The following GSE1 variants were observed in gnomAD, a reference collection of about 807,000 sequenced individuals.
GSE1 encodes the protein Gse1 coiled-coil protein.
Under a neutral mutation model 112.6 loss-of-function variants are expected in GSE1, and 32 were observed. The observed-to-expected ratio is 0.28, with a 90% CI of 0.21 to 0.38. GSE1 has a LOEUF of 0.38. GSE1 is among the 10% of genes least tolerant of loss of function. The pLI, the probability that GSE1 is intolerant of heterozygous loss-of-function variation, is 1.00. For missense variants in GSE1, 2,348 were observed against 1,699.2 expected, an observed-to-expected ratio of 1.38 and a Z score of -6.71; for synonymous variants, 1,115 against 735.6, an observed-to-expected ratio of 1.52 and a Z score of -8.35.
chr16:85,587,331 A>G (rs559302852), intron 1 of GSE1, among the ~76,000 whole-genome samples: 1 of 152,328 alleles, frequency 6.6e-6, no homozygotes, highest in South Asian at 2.1e-4. Flanking sequence ...CATGCAGTAA[A>G]TTTGCTATTA....
chr16:85,379,931 G>T (rs1324532328), intron 2 of GSE1, among the ~76,000 whole-genome samples: 1 of 152,230 alleles, frequency 6.6e-6, no homozygotes, highest in Non-Finnish European at 1.5e-5. Context: ...ATGCCAGGCT[G>T]CCCCAGACAA....
Position 85,663,424 on chromosome 16 carries a change from G to A in GSE1, c.2454G>A (p.Arg818=). 1 of 1,613,910 alleles carries A rather than the reference G, an allele frequency of 6.2e-7. No homozygotes were observed. Among genetic ancestry groups the A allele is most frequent in the South Asian group, 1.1e-5 (1 of 91,076 alleles). ...EELVAQKRRK[R]RRMLRERSPS... ...TGGTGGCCCAGAAGCGGAGGAAGCG[G>A]CGGAGGATGCTGCGAGAGAGAAGCC... is the stretch of plus-strand genomic sequence containing the variant. The change falls in exon 11 of 16, where the codon CGG becomes CGA. Residue 818 remains arginine, a synonymous_variant. Transcript: ENST00000253458.
chr16:85,643,598 T>A (rs906379054), intron 2 of GSE1, among the ~76,000 whole-genome samples: 1 of 151,864 alleles, frequency 6.6e-6, no homozygotes, highest in Non-Finnish European at 1.5e-5. Flanking sequence ...CTCTGGGAGG[T>A]GGGGTTCAGA....
At chr16:85,231,069 G>C (rs1904279813) in intron 1 of GSE1, among the ~76,000 whole-genome samples, 1 of 144,972 alleles carries the variant, frequency 6.9e-6, no homozygotes, top group Admixed American at 6.8e-5. Context: ...TGGATAGCTG[G>C]ACAGAGGGAT....
intron 1 of GSE1, among the ~76,000 whole-genome samples, chr16:85,191,737 C>G (rs1272618960): frequency 6.6e-6 from 1 of 152,206 alleles, no homozygotes; most frequent in Non-Finnish European, 1.5e-5. Flanking sequence ...GGAACTTATC[C>G]CTCACCTCGA....
At chr16:85,210,530 A>C (rs1358696782) in intron 1 of GSE1, among the ~76,000 whole-genome samples, 2 of 152,146 alleles carry the variant, frequency 1.3e-5, no homozygotes, top group Non-Finnish European at 2.9e-5. Context: ...TCCAGGCTGC[A>C]GTAAGCTGTG....
intron 1 of GSE1, among the ~76,000 whole-genome samples, chr16:85,257,671 C>T (rs529722383): frequency 2.6e-5 from 4 of 152,260 alleles, no homozygotes; most frequent in Admixed American, 1.3e-4. Context: ...ATTGGCAGGA[C>T]GTGGTGGTGC....
chr16:85,482,038 C>G (rs1233618201), intron 2 of GSE1, among the ~76,000 whole-genome samples: 1 of 152,250 alleles, frequency 6.6e-6, no homozygotes, highest in African/African-American at 2.4e-5. Context: ...AGTCATTCGG[C>G]CTTTGGATTT....
chr16:85,617,592 ACCCTCCC>A (rs1410311390), intron 1 of GSE1, among the ~76,000 whole-genome samples: 14 of 80,058 alleles, frequency 1.7e-4, no homozygotes, highest in African/African-American at 5.4e-4. Context: ...CCGTGTGTCA[ACCCTCCC>A]CCCCCCCCCC....
intron 2 of GSE1, among the ~76,000 whole-genome samples, chr16:85,535,134 C>G (rs1248262701): frequency 6.6e-6 from 1 of 152,180 alleles, no homozygotes; most frequent in Non-Finnish European, 1.5e-5. Context: ...CCAAAGGGCT[C>G]CAGGCTCAGT....
At chr16:85,330,199 A>G (rs753536394) in intron 1 of GSE1, among the ~76,000 whole-genome samples, 2 of 152,224 alleles carry the variant, frequency 1.3e-5, no homozygotes, top group Non-Finnish European at 2.9e-5. Flanking sequence ...GATGTGAGCT[A>G]GGGACTTTGA....
At chr16:85,404,287 T>A (rs1361604634) in intron 2 of GSE1, among the ~76,000 whole-genome samples, 1 of 78,114 alleles carries the variant, frequency 1.3e-5, no homozygotes, top group South Asian at 6.3e-4. Flanking sequence ...ATTCTCACTG[T>A]TACACTCAGG....
intron 2 of GSE1, among the ~76,000 whole-genome samples, chr16:85,369,122 A>C (rs906369854): frequency 6.6e-6 from 1 of 152,200 alleles, no homozygotes; most frequent in Non-Finnish European, 1.5e-5. Context: ...TGTGGGCAGG[A>C]CTGGCTCCTC....
At chr16:85,402,988 A>G (rs1179508582) in intron 2 of GSE1, among the ~76,000 whole-genome samples, 6 of 151,718 alleles carry the variant, frequency 4.0e-5, no homozygotes, top group Admixed American at 2.0e-4. Flanking sequence ...TGTGCGGGTC[A>G]GGGATCCGGA....
intron 2 of GSE1, among the ~76,000 whole-genome samples, chr16:85,635,145 G>T (rs570603954): frequency 2.0e-5 from 3 of 152,308 alleles, no homozygotes; most frequent in East Asian, 1.9e-4. Context: ...GGGCTGGGGG[G>T]ACTTCTCATT....
intron 1 of GSE1, among the ~76,000 whole-genome samples, chr16:85,299,182 T>C (rs2045449634): frequency 6.6e-6 from 1 of 152,212 alleles, no homozygotes; most frequent in South Asian, 2.1e-4. Context: ...GGAAAATACA[T>C]TTGGGGTTGT....
At position 85,235,244 on chromosome 16, in the gene GSE1, AC is replaced by A. The variant is rs1222169503; in HGVS notation, c.2283+63443del. On this transcript the variant is annotated intron_variant, in intron 1 of 2. Coordinates refer to the GSE1 transcript ENST00000637419. Reference sequence around the variant, plus strand: ...AAAACAAAATCAGAACAAGCTCCCAACCCCCCGGCCGCCTCTGGCTGCCAGG... The same window carrying A: ...AAAACAAAATCAGAACAAGCTCCCAACCCCCGGCCGCCTCTGGCTGCCAGG... Among the ~76,000 whole-genome samples the A allele has an allele frequency of 4.6e-5, 7 of 150,632 alleles. 1 individual carries two copies. Among genetic ancestry groups the A allele is most frequent in the Non-Finnish European group, 1.0e-4 (7 of 67,642 alleles).
intron 1 of GSE1, among the ~76,000 whole-genome samples, chr16:85,335,968 G>A (rs970365391): frequency 3.9e-5 from 6 of 152,318 alleles, no homozygotes; most frequent in Non-Finnish European, 7.4e-5. Context: ...TGGGGCTGGG[G>A]TCCCAGGAGG....
At chr16:85,611,479 C>A (rs1213394811), upstream of GSE1, 1 of 985,238 alleles carries the variant, frequency 1.0e-6, no homozygotes, top group Non-Finnish European at 1.2e-6. Flanking sequence ...GCTGGCGGGT[C>A]GTGCGGGGAA....
Sources: allele counts gnomAD v4.1 joint callset (sites outside exome capture counted in the v4.1 genomes callset), GRCh38; gene constraint gnomAD v4.1.1; transcripts MANE v1.5; gene names NCBI Gene and HGNC (gene_info 2026-07-23, HGNC 2026-07-21).